The following MYO5A variants were observed in gnomAD, a reference collection of about 807,000 sequenced individuals.
MYO5A encodes myosin VA.
In MYO5A, 98 loss-of-function variants were observed where a neutral mutation model predicts 249.7. That is an observed-to-expected ratio of 0.39 (90% CI 0.33 to 0.46). MYO5A has a LOEUF of 0.46. Ranked by LOEUF, MYO5A falls within the 20% of genes least tolerant of loss-of-function variation. MYO5A has a pLI of 0.98. For synonymous variants in MYO5A, 778 were observed against 810.6 expected (o/e 0.96, Z 0.68); for missense variants, 1,696 against 2,308.8 (o/e 0.73, Z 5.44).
In MYO5A at chr15:52,429,231, TG is replaced by T. The variant is rs1248817633; in HGVS notation, c.139-663del. On this transcript the variant is annotated intron_variant, in intron 2 of 41. Transcript: ENST00000399233. Reference sequence around the variant, plus strand: ...TGAGATTTTTGTTTTGTTTGCTTTTTGTTTTTTTCTGTGCATATGCTTATTC... The same window carrying T: ...TGAGATTTTTGTTTTGTTTGCTTTTTTTTTTTTCTGTGCATATGCTTATTC... Among the ~76,000 whole-genome samples the T allele has an allele frequency of 2.7e-5, 4 of 147,804 alleles. No individual in the cohort carries two copies. In the East Asian group the frequency reaches 8.1e-4, roughly 30 times the overall value.
intron 3 of MYO5A, among the ~76,000 whole-genome samples, chr15:52,428,161 G>A (rs2075439012): frequency 6.6e-6 from 1 of 152,142 alleles, no homozygotes; most frequent in Admixed American, 6.5e-5. Flanking sequence ...TCTGTAAGGG[G>A]AAAAAAATTC....
intron 6 of MYO5A, among the ~76,000 whole-genome samples, chr15:52,409,932 A>AGAG (rs1335965199): frequency 6.6e-6 from 1 of 152,146 alleles, no homozygotes; most frequent in African/African-American, 2.4e-5. Context: ...ATATTCTGAA[A>AGAG]GAGGAGAAGA....
rs764449332 is a variant in MYO5A at position 52,319,044 on chromosome 15, G to T, written c.5234+16C>A. On this transcript the variant is annotated intron_variant, in intron 39 of 41. Transcript: ENST00000399233. ...GCAGCAAAAAGACACTGTCGCAGGT[G>T]TTGGCATTTGCTCACCTGATCTGCA... 8.1e-6 allele frequency: 13 copies of T among 1,613,728 alleles called. No individual in the cohort carries two copies. The East Asian group carries it at 2.7e-4, about 33-fold the overall frequency.
At chr15:52,390,416 A>G (rs958771815) in intron 12 of MYO5A, among the ~76,000 whole-genome samples, 42 of 152,270 alleles carry the variant, frequency 2.8e-4, no homozygotes, top group Non-Finnish European at 1.3e-4. Flanking sequence ...TTAAAAATTA[A>G]ATTTAAAAAA....
chr15:52,480,534 C>T (rs1381153696), intron 1 of MYO5A, among the ~76,000 whole-genome samples: 1 of 152,186 alleles, frequency 6.6e-6, no homozygotes, highest in Non-Finnish European at 1.5e-5. Context: ...ATCCCCGATC[C>T]TTGAGGCCCT....
intron 24 of MYO5A, among the ~76,000 whole-genome samples, chr15:52,364,242 AAAAAAC>A (rs1208722730): frequency 6.6e-6 from 1 of 152,110 alleles, no homozygotes; most frequent in Non-Finnish European, 1.5e-5. Flanking sequence ...ATCTCAAAAA[AAAAAAC>A]AAAAACAAAA....
intron 25 of MYO5A, among the ~76,000 whole-genome samples, chr15:52,357,413 C>G (rs1407724029): frequency 7.0e-6 from 1 of 143,008 alleles, no homozygotes. Flanking sequence ...AAGGAATCCT[C>G]TTATTAAAAT....
rs766026322 is a variant in MYO5A at position 52,351,427 on chromosome 15, G to A, written c.3676C>T (p.Arg1226Cys). The change falls in exon 28 of 42, where the codon CGC becomes TGC. Residue 1226 changes from arginine (R) to cysteine (C), a missense_variant. Arg to Cys is a radical substitution (Grantham distance 180, BLOSUM62 -3). Coordinates refer to ENST00000399233, the MANE Select transcript of MYO5A (RefSeq NM_001382347.1). ...GCACTTTTCTCACTGAGGGCCTTGCGCAACTCATTTAGCTCATTCTTCAGT... is the reference window on the plus strand; with the variant it reads ...GCACTTTTCTCACTGAGGGCCTTGCACAACTCATTTAGCTCATTCTTCAGT... The part of the protein sequence containing the change: ...KKLKNELNEL[R>C]KALSEKSAPE... 3.1e-6 allele frequency: 5 copies of A among 1,614,184 alleles called. No homozygotes were observed. The South Asian group carries it at 3.3e-5, about 11-fold the overall frequency.
intron 1 of MYO5A, among the ~76,000 whole-genome samples, chr15:52,517,851 T>C (rs886516026): frequency 6.6e-6 from 1 of 152,138 alleles, no homozygotes; most frequent in Non-Finnish European, 1.5e-5. Flanking sequence ...AGTAAATCAA[T>C]AGTTGACAAT....
chr15:52,443,342 T>C (rs985797957), intron 1 of MYO5A, among the ~76,000 whole-genome samples: 18 of 152,360 alleles, frequency 1.2e-4, no homozygotes, highest in African/African-American at 4.1e-4. Flanking sequence ...GAGCTCAGGT[T>C]CATGAACTTC....
In MYO5A at chr15:52,313,641, T is replaced by G; in HGVS notation, c.*55A>C. On this transcript the variant is annotated 3_prime_UTR_variant, in exon 42 of 42. Coordinates refer to ENST00000399233, the MANE Select transcript of MYO5A (RefSeq NM_001382347.1). The stretch of plus-strand genomic sequence containing the variant: ...ATTTTCAGTAACTCACTGGAAATAA[T>G]GGGTTCTTATTTCGGGCAAGAAATG... 3 of 1,588,972 alleles carry G rather than the reference T, an allele frequency of 1.9e-6. No homozygotes were observed. Among genetic ancestry groups the G allele is most frequent in the Non-Finnish European group, 2.6e-6 (3 of 1,157,672 alleles).
At chr15:52,480,990 C>A (rs542784691) in intron 1 of MYO5A, among the ~76,000 whole-genome samples, 5 of 152,334 alleles carry the variant, frequency 3.3e-5, no homozygotes, top group African/African-American at 1.2e-4. Flanking sequence ...TATGCCTACC[C>A]ATCTAAGATA....
At chr15:52,353,507 C>T in intron 27 of MYO5A, 98 bp downstream of exon 27, 1 of 1,035,596 alleles carries the variant, frequency 9.7e-7, no homozygotes, top group Non-Finnish European at 1.5e-6. Context: ...GGTGCAATCT[C>T]CAACCCTTAA....
chr15:52,396,597 CAG>C (rs968296562), intron 10 of MYO5A, among the ~76,000 whole-genome samples, 200 bp from the exon 11 acceptor site: 1 of 151,880 alleles, frequency 6.6e-6, no homozygotes, highest in Non-Finnish European at 1.5e-5. Context: ...AGCCATGCAG[CAG>C]AGAGGTTTTT....
intron 1 of MYO5A, among the ~76,000 whole-genome samples, chr15:52,519,200 G>T (rs574776916): frequency 6.6e-6 from 1 of 152,230 alleles, no homozygotes; most frequent in East Asian, 1.9e-4. Flanking sequence ...GAAAATAGGG[G>T]AAGAGAATAA....
chr15:52,395,067 G>A (rs2042426276), intron 11 of MYO5A, among the ~76,000 whole-genome samples: 1 of 152,148 alleles, frequency 6.6e-6, no homozygotes, highest in Non-Finnish European at 1.5e-5. Flanking sequence ...GTTTTATAAT[G>A]ACAAGTAGCA....
At chr15:52,346,521 A>T in intron 29 of MYO5A, 60 bp from the exon 30 acceptor site, 1 of 1,099,444 alleles carries the variant, frequency 9.1e-7, no homozygotes. Context: ...TGGACATAAA[A>T]CACATTTATT....
At chr15:52,455,380 G>A (rs1403715467) in intron 1 of MYO5A, among the ~76,000 whole-genome samples, 1 of 152,012 alleles carries the variant, frequency 6.6e-6, no homozygotes, top group African/African-American at 2.4e-5. Context: ...CTACCAAGCA[G>A]TTAAGGAAGA....
chr15:52,407,991 T>C lies in MYO5A; in HGVS notation c.838+68A>G, dbSNP rs935709863. 25 of 1,063,176 alleles carry C rather than the reference T, an allele frequency of 2.4e-5. No homozygotes were observed. The Middle Eastern group carries it at 8.9e-4, about 38-fold the overall frequency. 65.9% of individuals were successfully genotyped at this position (1,063,176 alleles called of 1,614,324 possible). ...ATGAGATAAGCTCCTTTTTAACAAG[T>C]AAATTTAGGAACTTGGAAATTAACA... On this transcript the variant is annotated intron_variant, in intron 7 of 41. Transcript: ENST00000399233.
Sources: gnomAD v4.1 joint callset for allele counts (sites outside exome capture counted in the v4.1 genomes callset) on GRCh38, gnomAD v4.1.1 for gene constraint, MANE v1.5 for transcripts, NCBI Gene and HGNC (gene_info 2026-07-23, HGNC 2026-07-21) for gene names.